The following PTPN9 variants were observed in gnomAD, a reference collection of about 807,000 sequenced individuals.
PTPN9 encodes protein tyrosine phosphatase non-receptor type 9.
PTPN9 carries 26 observed loss-of-function variants against 69.8 expected under a neutral mutation model. The observed-to-expected ratio is 0.37, with a 90% CI of 0.27 to 0.52. The LOEUF (loss-of-function observed/expected upper bound fraction) is 0.52, where lower values mean the gene tolerates loss of function less well. Ranked by LOEUF, PTPN9 falls within the 20% of genes least tolerant of loss-of-function variation. PTPN9 has a pLI of 0.91. For synonymous variants in PTPN9, 274 were observed against 272.5 expected (o/e 1.01, Z -0.05); for missense variants, 549 against 740.3 (o/e 0.74, Z 3.00).
chr15:75,491,945 C>T (rs1407580085), intron 7 of PTPN9, among the ~76,000 whole-genome samples: 1 of 152,134 alleles, frequency 6.6e-6, no homozygotes, highest in Non-Finnish European at 1.5e-5. Context: ...TCTCCAGGGT[C>T]GCCCAGGCTG....
Position 75,524,292 on chromosome 15 carries a change from G to C in PTPN9, c.214C>G (p.Arg72Gly), listed in dbSNP as rs1371430213. 1 of 1,607,586 alleles carries C rather than the reference G, an allele frequency of 6.2e-7. No homozygotes were observed. The highest frequency in any genetic ancestry group is 1.7e-5 in the Admixed American group (1 of 59,928). Residue 72 changes from arginine (R) to glycine (G), a missense_variant, in exon 3 of 13, where the codon CGA becomes GGA. Arg to Gly is a moderately radical substitution (Grantham distance 125). Transcript: ENST00000618819. Reference sequence around the variant, plus strand: ...AGCTTTACAATGCCTTCCTTCCTTCGAGTTTCCTAAAAAGGAAGCACAGCA... The same window carrying C: ...AGCTTTACAATGCCTTCCTTCCTTCCAGTTTCCTAAAAAGGAAGCACAGCA... ...IELFHSYRETRRKEGIVKLKP... is the reference protein window; with the variant it reads ...IELFHSYRETGRKEGIVKLKP...
chr15:75,481,866 C>G (rs2074637524), intron 8 of PTPN9, among the ~76,000 whole-genome samples: 1 of 145,098 alleles, frequency 6.9e-6, no homozygotes, highest in African/African-American at 2.5e-5. Flanking sequence ...GCCAGCCGCC[C>G]CTCCGGGAGG....
In PTPN9 at chr15:75,468,616, G is replaced by T; in HGVS notation, c.*153C>A. 1.5e-6 allele frequency: 1 copy of T among 645,972 alleles called. No individual in the cohort carries two copies. Among genetic ancestry groups the T allele is most frequent in the Non-Finnish European group, 2.7e-6 (1 of 369,526 alleles). 40.0% of individuals were successfully genotyped at this position (645,972 alleles called of 1,614,324 possible). A position where few individuals can be genotyped will look rare whatever the true frequency, so the allele number is the denominator to read the frequency against. ...ATTTCACCACATTTATCTAGCCAAA[G>T]GGAAAGGCTGCCTTGCGTGCACACG... On this transcript the variant is annotated 3_prime_UTR_variant, in exon 13 of 13. Transcript: ENST00000618819.
intron 1 of PTPN9, among the ~76,000 whole-genome samples, chr15:75,536,231 G>T (rs2074981820): frequency 6.6e-6 from 1 of 152,108 alleles, no homozygotes. Context: ...ATTTGCTGAG[G>T]GCCCATTCTG....
At chr15:75,471,448 C>G (rs559790104) in intron 10 of PTPN9, among the ~76,000 whole-genome samples, 2 of 151,982 alleles carry the variant, frequency 1.3e-5, no homozygotes, top group Admixed American at 6.6e-5. Context: ...ACTAAAAATA[C>G]AAAAATTAGT....
intron 7 of PTPN9, among the ~76,000 whole-genome samples, chr15:75,493,098 T>C (rs1213766554): frequency 6.6e-6 from 1 of 152,104 alleles, no homozygotes; most frequent in Non-Finnish European, 1.5e-5. Context: ...GAAGCTGCAG[T>C]GAGCTATGAT....
At position 75,464,395 on chromosome 15, in the gene PTPN9, CT is replaced by C. The variant is rs1330376932; in HGVS notation, c.*4373del. ...CTAACCTAGGCAACAGAGTGAGACT[CT>C]GTCTCTGAAAGTAAAAAAAATGAAA... On this transcript the variant is annotated 3_prime_UTR_variant, in exon 13 of 13. Coordinates refer to ENST00000618819, the MANE Select transcript of PTPN9 (RefSeq NM_002833.4). 1 of 152,136 alleles carries C rather than the reference CT, an allele frequency of 6.6e-6. No individual in the cohort carries two copies. Among genetic ancestry groups the C allele is most frequent in the Non-Finnish European group, 1.5e-5 (1 of 68,080 alleles). The allele number at this position is 152,136 out of a possible 1,614,324, so 9.4% of individuals were successfully genotyped here.
intron 9 of PTPN9, among the ~76,000 whole-genome samples, chr15:75,475,598 AC>A (rs1206203302): frequency 3.3e-5 from 5 of 152,042 alleles, no homozygotes; most frequent in African/African-American, 7.2e-5. Context: ...GAAAAAAAAA[AC>A]GTAACAACTC....
intron 9 of PTPN9, among the ~76,000 whole-genome samples, chr15:75,478,271 A>C (rs1196263920): frequency 6.6e-6 from 1 of 151,208 alleles, no homozygotes; most frequent in African/African-American, 2.4e-5. Context: ...ACGCCCGGCT[A>C]ATTTTGTATG....
intron 7 of PTPN9, among the ~76,000 whole-genome samples, chr15:75,504,182 G>C (rs1263920020): frequency 5.9e-5 from 7 of 118,966 alleles, no homozygotes; most frequent in Non-Finnish European, 1.1e-4. Flanking sequence ...AGGTGGGGGG[G>C]TCAGCCCCAT....
At chr15:75,558,963 G>A (rs1936810073) in intron 1 of PTPN9, among the ~76,000 whole-genome samples, 1 of 152,198 alleles carries the variant, frequency 6.6e-6, no homozygotes, top group African/African-American at 2.4e-5. Context: ...CGTCTGGGAA[G>A]TGAGGAGCGT....
intron 4 of PTPN9, among the ~76,000 whole-genome samples, chr15:75,522,009 A>C (rs565975003): frequency 2.0e-5 from 3 of 152,188 alleles, no homozygotes; most frequent in African/African-American, 7.2e-5. Flanking sequence ...CCTGGCCTCA[A>C]TATAGCACTT....
intron 1 of PTPN9, 132 bp downstream of exon 1, chr15:75,578,582 G>T: frequency 4.3e-6 from 3 of 701,742 alleles, no homozygotes; most frequent in Non-Finnish European, 5.8e-6. Context: ...GGTGAGGGAG[G>T]CCCGCGAGCC....
intron 7 of PTPN9, among the ~76,000 whole-genome samples, chr15:75,499,399 CTTTTTT>C (rs71440245): frequency 7.1e-4 from 60 of 84,528 alleles, no homozygotes; most frequent in African/African-American, 2.6e-3. Context: ...TCTAAACCCA[CTTTTTT>C]TTTTTTTTTT....
chr15:75,470,587 C>A lies in PTPN9; in HGVS notation c.1359+93G>T, dbSNP rs531759035. On this transcript the variant is annotated intron_variant, in intron 11 of 12. Transcript: ENST00000618819. ...AAAACAGAAGCAACTCATAACTTCCCTGGTATCCTACCTATTCCCTCTGGA... is the reference window on the plus strand; with the variant it reads ...AAAACAGAAGCAACTCATAACTTCCATGGTATCCTACCTATTCCCTCTGGA... 9.8e-5 allele frequency: 144 copies of A among 1,462,278 alleles called. 1 individual carries two copies. Among genetic ancestry groups the A allele is most frequent in the Admixed American group, 6.2e-4 (30 of 48,674 alleles). The allele number at this position is 1,462,278 out of a possible 1,614,324, so 90.6% of individuals were successfully genotyped here.
Position 75,464,329 on chromosome 15 carries a change from G to C in PTPN9, c.*4440C>G, listed in dbSNP as rs1332830067. On this transcript the variant is annotated 3_prime_UTR_variant, in exon 13 of 13. Transcript: ENST00000618819. ...AAAGCTGGGTTCCTGCTTGAGCCCA[G>C]TTGTTGAGACTGCAGTGAGCCATGA... 1 of 151,758 alleles carries C rather than the reference G, an allele frequency of 6.6e-6. No homozygotes were observed. The highest frequency in any genetic ancestry group is 1.5e-5 in the Non-Finnish European group (1 of 68,148). 9.4% of individuals were successfully genotyped at this position (151,758 alleles called of 1,614,324 possible).
intron 1 of PTPN9, among the ~76,000 whole-genome samples, chr15:75,542,174 TACAA>T (rs2075011956): frequency 6.6e-6 from 1 of 152,196 alleles, no homozygotes; most frequent in Admixed American, 6.5e-5. Flanking sequence ...ACAATGAGTT[TACAA>T]ACATTTTCTT....
intron 1 of PTPN9, among the ~76,000 whole-genome samples, chr15:75,536,837 GA>G (rs767841224): frequency 6.6e-6 from 1 of 151,834 alleles, no homozygotes; most frequent in African/African-American, 2.4e-5. Flanking sequence ...AGACTGAAAG[GA>G]AAAAAAATCT....
intron 1 of PTPN9, among the ~76,000 whole-genome samples, chr15:75,538,297 G>T (rs2074993886): frequency 6.6e-6 from 1 of 152,068 alleles, no homozygotes; most frequent in Non-Finnish European, 1.5e-5. Flanking sequence ...TTCTATTAAA[G>T]ATGAGAAGGC....
Sources: gnomAD v4.1 joint callset for allele counts (sites outside exome capture counted in the v4.1 genomes callset) on GRCh38, gnomAD v4.1.1 for gene constraint, MANE v1.5 for transcripts, NCBI Gene and HGNC (gene_info 2026-07-23, HGNC 2026-07-21) for gene names.